The following GNB4 variants were observed in gnomAD, a reference collection of about 807,000 sequenced individuals.
GNB4 encodes the protein G protein subunit beta 4.
A neutral mutation model predicts 45.2 loss-of-function variants in GNB4; 28 were observed. That is an observed-to-expected ratio of 0.62 (90% CI 0.46 to 0.85). The LOEUF (loss-of-function observed/expected upper bound fraction) is 0.85, where lower values mean the gene tolerates loss of function less well. Ranked by LOEUF, GNB4 falls within the 40% of genes least tolerant of loss-of-function variation. GNB4 has a pLI of 0.00. For missense variants in GNB4, 321 were observed against 425.4 expected (o/e 0.75, Z 2.16); for synonymous variants, 132 against 143.7 (o/e 0.92, Z 0.58).
the GNB4 span, among the ~76,000 whole-genome samples, chr3:179,504,952 G>A: frequency 6.6e-6 from 1 of 152,252 alleles, no homozygotes; most frequent in Admixed American, 6.5e-5. Context: ...TGTGTAGTGG[G>A]AGATTCTGGC....
the GNB4 span, among the ~76,000 whole-genome samples, chr3:179,468,049 T>TATATAGAGAGAGAGAGAGAGAGAGAGAG: frequency 2.3e-5 from 3 of 130,988 alleles, no homozygotes; most frequent in African/African-American, 9.3e-5. Context: ...TATATATATA[T>TATATAGAGAGAGAGAGAGAGAGAGAGAG]AGAACAGGTG....
rs1714134148 is a variant in GNB4 at position 179,396,829 on chromosome 3, A to G, written c.*4384T>C. 1 of 152,232 alleles carries G rather than the reference A, an allele frequency of 6.6e-6. No individual in the cohort carries two copies. The highest frequency in any genetic ancestry group is 1.5e-5 in the Non-Finnish European group (1 of 68,028). 9.4% of individuals were successfully genotyped at this position (152,232 alleles called of 1,614,324 possible). Reference sequence around the variant, plus strand: ...TCATTGAGTACCTATTATGTAACCAATATTTTAAAATATACACTGAATCTG... The same window carrying G: ...TCATTGAGTACCTATTATGTAACCAGTATTTTAAAATATACACTGAATCTG... On this transcript the variant is annotated 3_prime_UTR_variant, in exon 10 of 10. Transcript: ENST00000232564.
At chr3:179,411,519 G>GA (rs922277541) in intron 8 of GNB4, among the ~76,000 whole-genome samples, 3 of 147,714 alleles carry the variant, frequency 2.0e-5, no homozygotes, top group South Asian at 2.1e-4. Flanking sequence ...TTAAGTGGCT[G>GA]AAAAAAAACC....
At chr3:179,484,303 T>C in the GNB4 span, among the ~76,000 whole-genome samples, 1 of 152,362 alleles carries the variant, frequency 6.6e-6, no homozygotes, top group African/African-American at 2.4e-5. Flanking sequence ...CCCTTCGGGT[T>C]CTGTTCCTCC....
the GNB4 span, among the ~76,000 whole-genome samples, chr3:179,509,917 G>A: frequency 6.6e-6 from 1 of 152,012 alleles, no homozygotes; most frequent in African/African-American, 2.4e-5. Flanking sequence ...TTGACCTCCT[G>A]GGAACAAGTG....
chr3:179,426,282 T>C, intron 1 of GNB4, 40 bp from the exon 2 acceptor site: 1 of 1,011,030 alleles, frequency 9.9e-7, no homozygotes, highest in South Asian at 1.5e-5. Flanking sequence ...TTCAGTTCTC[T>C]ACTTACATCT....
At chr3:179,496,376 A>G in the GNB4 span, among the ~76,000 whole-genome samples, 1 of 152,148 alleles carries the variant, frequency 6.6e-6, no homozygotes. Flanking sequence ...AAACGAAAAC[A>G]AGCCAAAAAA....
the GNB4 span, among the ~76,000 whole-genome samples, chr3:179,471,896 T>C: frequency 2.0e-5 from 3 of 152,224 alleles, no homozygotes; most frequent in African/African-American, 4.8e-5. Context: ...CAGTGTGTAC[T>C]AAGAGCATTA....
At chr3:179,488,065 T>G in the GNB4 span, among the ~76,000 whole-genome samples, 1 of 138,092 alleles carries the variant, frequency 7.2e-6, no homozygotes, top group African/African-American at 2.6e-5. Flanking sequence ...AAAAAAAAAA[T>G]CCACTTGCAG....
At chr3:179,457,383 T>G in the GNB4 span, among the ~76,000 whole-genome samples, 1 of 152,206 alleles carries the variant, frequency 6.6e-6, no homozygotes, top group South Asian at 2.1e-4. Context: ...GTTTTCCCCT[T>G]TGTATAATTA....
intron 1 of GNB4, among the ~76,000 whole-genome samples, chr3:179,428,123 T>C (rs1244007904): frequency 6.6e-6 from 1 of 152,222 alleles, no homozygotes; most frequent in East Asian, 1.9e-4. Flanking sequence ...AAAACCAGTA[T>C]CTATTTATTC....
intron 1 of GNB4, among the ~76,000 whole-genome samples, chr3:179,431,923 G>A (rs962588910): frequency 6.6e-6 from 1 of 152,130 alleles, no homozygotes; most frequent in African/African-American, 2.4e-5. Context: ...TTTCAAGTGG[G>A]TCTTTTCCAC....
intron 1 of GNB4, among the ~76,000 whole-genome samples, chr3:179,443,617 T>C (rs910258413): frequency 6.6e-6 from 1 of 152,204 alleles, no homozygotes; most frequent in African/African-American, 2.4e-5. Flanking sequence ...GTAGATTTCA[T>C]TTTTCTTAAC....
the GNB4 span, chr3:179,465,165 TG>T: frequency 7.0e-5 from 89 of 1,268,354 alleles, no homozygotes; most frequent in East Asian, 2.1e-3. Context: ...GTCACTGATA[TG>T]GGAATAAATA....
At chr3:179,525,733 G>A in the GNB4 span, among the ~76,000 whole-genome samples, 1 of 152,210 alleles carries the variant, frequency 6.6e-6, no homozygotes, top group Non-Finnish European at 1.5e-5. Context: ...CTCTACTAGA[G>A]AGGAAAAAGA....
At chr3:179,485,481 A>G in the GNB4 span, among the ~76,000 whole-genome samples, 3 of 152,186 alleles carry the variant, frequency 2.0e-5, no homozygotes, top group East Asian at 3.9e-4. Context: ...TTTGGGTAAT[A>G]TATCTGGCAA....
chr3:179,489,802 T>C, the GNB4 span, among the ~76,000 whole-genome samples: 1 of 152,184 alleles, frequency 6.6e-6, no homozygotes, highest in African/African-American at 2.4e-5. Context: ...TCTCTCAGAG[T>C]GTATCATATT....
At chr3:179,483,643 C>T in the GNB4 span, among the ~76,000 whole-genome samples, 5 of 152,088 alleles carry the variant, frequency 3.3e-5, no homozygotes, top group Admixed American at 1.3e-4. Context: ...GCAAAAAAAT[C>T]TGTGACAAAA....
chr3:179,414,373 A>G (rs1645595970), intron 6 of GNB4, among the ~76,000 whole-genome samples: 1 of 152,206 alleles, frequency 6.6e-6, no homozygotes, highest in Non-Finnish European at 1.5e-5. Flanking sequence ...AGCATGGTCA[A>G]ATAGTATGGC....
Sources: gnomAD v4.1 joint callset for allele counts (sites outside exome capture counted in the v4.1 genomes callset) on GRCh38, gnomAD v4.1.1 for gene constraint, MANE v1.5 for transcripts, NCBI Gene and HGNC (gene_info 2026-07-23, HGNC 2026-07-21) for gene names.